Variants in LMNTD1 observed in about 807,000 individuals in gnomAD.
The protein encoded by LMNTD1 is lamin tail domain containing 1.
A neutral mutation model predicts 50.9 loss-of-function variants in LMNTD1; 35 were observed. The observed-to-expected ratio is 0.69, with a 90% CI of 0.53 to 0.91. The LOEUF is 0.91. Among genes scored for constraint, LMNTD1 ranks in the 40% least tolerant of loss-of-function variants. The pLI is 0.00. For synonymous variants in LMNTD1, 153 were observed against 161.9 expected, an observed-to-expected ratio of 0.94 and a Z score of 0.42; for missense variants, 470 against 475.5, an observed-to-expected ratio of 0.99 and a Z score of 0.11.
intron 4 of LMNTD1, among the ~76,000 whole-genome samples, chr12:25,531,938 G>T (rs186697023): frequency 6.7e-6 from 1 of 150,320 alleles, no homozygotes; most frequent in South Asian, 2.2e-4. Flanking sequence ...ATTAATTTCC[G>T]TTACTGGATT....
chr12:25,627,983 C>A (rs975889926), intron 1 of LMNTD1, among the ~76,000 whole-genome samples: 2 of 150,882 alleles, frequency 1.3e-5, no homozygotes, highest in Non-Finnish European at 3.0e-5. Context: ...TGGCGCGCGC[C>A]TGTAGTCCCA....
intron 4 of LMNTD1, among the ~76,000 whole-genome samples, chr12:25,544,256 GT>G (rs1943286427): frequency 1.3e-5 from 2 of 151,944 alleles, no homozygotes; most frequent in Non-Finnish European, 2.9e-5. Context: ...TTGGTGTGGG[GT>G]GTACAGATAT....
intron 4 of LMNTD1, among the ~76,000 whole-genome samples, chr12:25,531,585 T>G (rs1942227660): frequency 6.6e-6 from 1 of 152,214 alleles, no homozygotes; most frequent in Non-Finnish European, 1.5e-5. Flanking sequence ...TTTTTGTTTT[T>G]GTTTTTTTTA....
chr12:25,503,924 C>A, intron 8 of LMNTD1, 124 bp from the exon 9 acceptor site: 6 of 554,598 alleles, frequency 1.1e-5, no homozygotes, highest in Non-Finnish European at 1.6e-5. Context: ...AAGCTAACAA[C>A]AAAAGGATTT....
chr12:25,624,650 G>A (rs1946547501), intron 1 of LMNTD1, among the ~76,000 whole-genome samples: 1 of 152,158 alleles, frequency 6.6e-6, no homozygotes. Context: ...CATTCAAATA[G>A]AGTATAAGGT....
chr12:25,478,991 G>T (rs1938358695), intron 9 of LMNTD1, among the ~76,000 whole-genome samples: 1 of 152,058 alleles, frequency 6.6e-6, no homozygotes, highest in Non-Finnish European at 1.5e-5. Context: ...TAATCACAGG[G>T]CATGGTAATA....
chr12:25,638,487 T>A (rs1245552543), intron 1 of LMNTD1, among the ~76,000 whole-genome samples: 2 of 151,976 alleles, frequency 1.3e-5, no homozygotes, highest in African/African-American at 4.8e-5. Flanking sequence ...CTCAGCAAAA[T>A]GATAGGATAA....
intron 1 of LMNTD1, among the ~76,000 whole-genome samples, chr12:25,633,899 C>A (rs1946769423): frequency 6.6e-6 from 1 of 151,954 alleles, no homozygotes; most frequent in South Asian, 2.1e-4. Flanking sequence ...TGAAATCTAT[C>A]TTTGAAAAGA....
intron 4 of LMNTD1, among the ~76,000 whole-genome samples, chr12:25,542,230 C>T (rs192027969): frequency 6.6e-6 from 1 of 152,178 alleles, no homozygotes; most frequent in African/African-American, 2.4e-5. Flanking sequence ...GGTATATACC[C>T]AAAGGACTAT....
chr12:25,512,494 T>A (rs1219207931), intron 8 of LMNTD1, among the ~76,000 whole-genome samples: 2 of 152,168 alleles, frequency 1.3e-5, no homozygotes, highest in African/African-American at 4.8e-5. Flanking sequence ...TAGAGAAGTG[T>A]CTTTTTTGTT....
intron 4 of LMNTD1, among the ~76,000 whole-genome samples, chr12:25,531,464 C>T (rs1171442968): frequency 1.3e-5 from 2 of 152,200 alleles, no homozygotes; most frequent in East Asian, 3.8e-4. Flanking sequence ...TTCTATTTTT[C>T]TGTTGATAAA....
intron 2 of LMNTD1, among the ~76,000 whole-genome samples, chr12:25,550,218 A>G (rs2136244800): frequency 6.6e-6 from 1 of 152,086 alleles, no homozygotes; most frequent in South Asian, 2.1e-4. Flanking sequence ...TCCTTTTTAT[A>G]TCTAAAGGAA....
intron 4 of LMNTD1, among the ~76,000 whole-genome samples, chr12:25,538,623 C>A (rs1222490708): frequency 4.2e-5 from 6 of 141,432 alleles, no homozygotes; most frequent in African/African-American, 1.3e-4. Context: ...AAAATCATGC[C>A]AAAATGTAAA....
At chr12:25,630,246 G>A (rs1308830991) in intron 1 of LMNTD1, among the ~76,000 whole-genome samples, 2 of 152,066 alleles carry the variant, frequency 1.3e-5, no homozygotes, top group Admixed American at 1.3e-4. Flanking sequence ...CCTGGGAGAG[G>A]ATCAGTATCT....
chr12:25,581,663 T>C (rs1945293508), intron 1 of LMNTD1, among the ~76,000 whole-genome samples: 1 of 152,202 alleles, frequency 6.6e-6, no homozygotes, highest in Non-Finnish European at 1.5e-5. Flanking sequence ...TAATGATGGG[T>C]ATATGTTCTA....
At chr12:25,648,552 G>T (rs902512860) in exon 1 of LMNTD1, 9 of 1,551,340 alleles carry the variant, frequency 5.8e-6, no homozygotes, top group Non-Finnish European at 7.8e-6. Context: ...GCTGTTGCAT[G>T]TAGTGTCCTT....
At chr12:25,532,406 T>A (rs1197054416) in intron 4 of LMNTD1, among the ~76,000 whole-genome samples, 1 of 151,988 alleles carries the variant, frequency 6.6e-6, no homozygotes, top group Non-Finnish European at 1.5e-5. Context: ...GACCCTCCAT[T>A]TTTTTTATAG....
chr12:25,503,625 T>C, intron 9 of LMNTD1, 113 bp downstream of exon 9: 1 of 642,808 alleles, frequency 1.6e-6, no homozygotes. Flanking sequence ...TTAGTGACTA[T>C]GGAATATATA....
intron 4 of LMNTD1, among the ~76,000 whole-genome samples, chr12:25,546,125 T>C (rs1052136821): frequency 1.3e-5 from 2 of 151,702 alleles, no homozygotes; most frequent in Non-Finnish European, 3.0e-5. Flanking sequence ...GAGTTGACCC[T>C]ATTAGTAAAG....
Sources: gnomAD v4.1 joint callset for allele counts (sites outside exome capture counted in the v4.1 genomes callset) on GRCh38, gnomAD v4.1.1 for gene constraint, MANE v1.5 for transcripts, NCBI Gene and HGNC (gene_info 2026-07-23, HGNC 2026-07-21) for gene names.